Variants in NPAS3 observed in about 807,000 individuals in gnomAD.
The protein encoded by NPAS3 is neuronal PAS domain protein 3, also known as neuronal PAS domain-containing protein 3.
A neutral mutation model predicts 73.1 loss-of-function variants in NPAS3; 14 were observed. That is an observed-to-expected ratio of 0.19 (90% CI 0.13 to 0.30). The LOEUF (loss-of-function observed/expected upper bound fraction) is 0.30, where lower values mean the gene tolerates loss of function less well. Ranked by LOEUF, NPAS3 falls within the 10% of genes least tolerant of loss-of-function variation. The pLI is 1.00. For missense variants in NPAS3, 1,096 were observed against 1,250.0 expected, an observed-to-expected ratio of 0.88 and a Z score of 1.86; for synonymous variants, 620 against 541.5, an observed-to-expected ratio of 1.14 and a Z score of -2.01.
At chr14:33,056,109 G>T in intron 2 of NPAS3, 115 bp downstream of exon 2, 1 of 363,434 alleles carries the variant, frequency 2.8e-6, no homozygotes, top group Non-Finnish European at 4.5e-6. Flanking sequence ...TTTAGTGGGG[G>T]AGAAAAAAAA....
intron 4 of NPAS3, among the ~76,000 whole-genome samples, chr14:33,454,210 A>G (rs1360486421): frequency 6.6e-6 from 1 of 152,188 alleles, no homozygotes; most frequent in East Asian, 1.9e-4. Context: ...AGTGTATATT[A>G]ATGCCAAGTC....
At chr14:33,050,087 G>A (rs184522986) in intron 1 of NPAS3, among the ~76,000 whole-genome samples, 177 of 152,190 alleles carry the variant, frequency 1.2e-3, no homozygotes, top group Non-Finnish European at 2.0e-3. Context: ...AGTCTAATTG[G>A]AATCAGACTC....
intron 2 of NPAS3, among the ~76,000 whole-genome samples, chr14:33,197,271 T>TGTGTGTG (rs1466236792): frequency 0.011 from 309 of 28,962 alleles, 1 homozygote; most frequent in African/African-American, 0.027. Context: ...GTGTGTGTTC[T>TGTGTGTG]TTTTCAATTG....
chr14:33,025,450 A>G (rs919825594), intron 1 of NPAS3, among the ~76,000 whole-genome samples: 1 of 152,210 alleles, frequency 6.6e-6, no homozygotes. Flanking sequence ...AATCATAGAT[A>G]TAGTTCAGGT....
chr14:33,253,758 G>A (rs2048673954), intron 3 of NPAS3, among the ~76,000 whole-genome samples: 1 of 151,794 alleles, frequency 6.6e-6, no homozygotes, highest in Non-Finnish European at 1.5e-5. Flanking sequence ...TCTGTTCTGT[G>A]GTTTTACCCA....
intron 3 of NPAS3, among the ~76,000 whole-genome samples, chr14:33,250,803 T>A (rs560047527): frequency 2.6e-5 from 4 of 152,080 alleles, no homozygotes; most frequent in Admixed American, 6.6e-5. Context: ...GACCAACTAC[T>A]TGAGTAGGGT....
chr14:33,455,107 G>A (rs143868849), intron 4 of NPAS3, among the ~76,000 whole-genome samples: 219 of 152,280 alleles, frequency 1.4e-3, no homozygotes, highest in African/African-American at 4.8e-3. Flanking sequence ...ATAGTATTCC[G>A]TGTTAAGATG....
At chr14:33,366,325 TAAAA>T in intron 3 of NPAS3, among the ~76,000 whole-genome samples, 1 of 145,954 alleles carries the variant, frequency 6.9e-6, no homozygotes, top group South Asian at 2.2e-4. Flanking sequence ...GAACCCCACG[TAAAA>T]AAAAAAAATC....
intron 5 of NPAS3, among the ~76,000 whole-genome samples, chr14:33,630,267 G>A (rs555314167): frequency 1.3e-5 from 2 of 152,204 alleles, no homozygotes; most frequent in African/African-American, 4.8e-5. Flanking sequence ...CACAACTTGT[G>A]GAAAAGCTCT....
chr14:33,106,797 A>C (rs989001033), intron 2 of NPAS3, among the ~76,000 whole-genome samples: 1 of 152,200 alleles, frequency 6.6e-6, no homozygotes, highest in Non-Finnish European at 1.5e-5. Context: ...ATAAATTATG[A>C]TAAAACCAAG....
intron 4 of NPAS3, among the ~76,000 whole-genome samples, chr14:33,480,560 C>CCTCT (rs1566939239): frequency 6.2e-5 from 4 of 65,000 alleles, no homozygotes; most frequent in African/African-American, 5.9e-4. Context: ...TTCCTCCCTC[C>CCTCT]CTCCCTCCCT....
At chr14:33,717,596 T>G (rs1222325812) in intron 6 of NPAS3, among the ~76,000 whole-genome samples, 1 of 152,136 alleles carries the variant, frequency 6.6e-6, no homozygotes, top group Admixed American at 6.6e-5. Flanking sequence ...TCTTTTTGCT[T>G]GCATTCTCAT....
intron 4 of NPAS3, among the ~76,000 whole-genome samples, chr14:33,439,927 A>G (rs1488989746): frequency 6.6e-6 from 1 of 152,042 alleles, no homozygotes; most frequent in Non-Finnish European, 1.5e-5. Flanking sequence ...CATCCTGGCT[A>G]ACAGGGTGAA....
chr14:33,595,624 G>A (rs1195452111), intron 5 of NPAS3, among the ~76,000 whole-genome samples: 1 of 152,132 alleles, frequency 6.6e-6, no homozygotes, highest in Non-Finnish European at 1.5e-5. Flanking sequence ...GAAAAGGTAA[G>A]GAGGGAAAAG....
At chr14:33,081,877 T>G (rs1455680338) in intron 2 of NPAS3, among the ~76,000 whole-genome samples, 1 of 152,214 alleles carries the variant, frequency 6.6e-6, no homozygotes, top group Non-Finnish European at 1.5e-5. Flanking sequence ...ATTTTGGTGA[T>G]AGCAAAGTGG....
chr14:33,024,833 A>G (rs61974879), intron 1 of NPAS3, among the ~76,000 whole-genome samples: 12,560 of 152,286 alleles, frequency 0.082, 637 homozygotes, highest in Non-Finnish European at 0.12. Context: ...AACACGTATT[A>G]CTTTTGTAAT....
chr14:33,577,549 C>T (rs1055161323), intron 5 of NPAS3, among the ~76,000 whole-genome samples: 1 of 152,104 alleles, frequency 6.6e-6, no homozygotes, highest in Non-Finnish European at 1.5e-5. Flanking sequence ...TATGGAAACA[C>T]AGAGAGAACC....
At chr14:33,107,675 G>A (rs1170116645) in intron 2 of NPAS3, among the ~76,000 whole-genome samples, 1 of 152,084 alleles carries the variant, frequency 6.6e-6, no homozygotes, top group Non-Finnish European at 1.5e-5. Flanking sequence ...CACCAGGGTT[G>A]ATTTTATGTC....
chr14:33,079,172 G>C (rs1324414481), intron 2 of NPAS3, among the ~76,000 whole-genome samples: 1 of 152,020 alleles, frequency 6.6e-6, no homozygotes, highest in Non-Finnish European at 1.5e-5. Context: ...TTTCATTGAA[G>C]GGAGAAATAG....
Sources: gnomAD v4.1 joint callset for allele counts (sites outside exome capture counted in the v4.1 genomes callset) on GRCh38, gnomAD v4.1.1 for gene constraint, MANE v1.5 for transcripts, NCBI Gene and HGNC (gene_info 2026-07-23, HGNC 2026-07-21) for gene names.